The following NRK variants were observed in gnomAD, a reference collection of about 807,000 sequenced individuals.
NRK encodes the protein Nik related kinase, also known as nik-related protein kinase.
In NRK, 67 loss-of-function variants were observed where a neutral mutation model predicts 125.2. The ratio of observed to expected loss-of-function variants is 0.54; its 90% CI spans 0.44 to 0.66. The LOEUF is 0.66. Among genes scored for constraint, NRK ranks in the 30% least tolerant of loss-of-function variants. NRK has a pLI of 0.00. For synonymous variants in NRK, 458 were observed against 429.0 expected, an observed-to-expected ratio of 1.07 and a Z score of -0.84; for missense variants, 1,224 against 1,192.9, an observed-to-expected ratio of 1.03 and a Z score of -0.38.
At chrX:105,840,267 C>G in intron 2 of NRK, among the ~76,000 whole-genome samples, 1 of 111,550 alleles carries the variant, frequency 9.0e-6, no homozygotes, top group Non-Finnish European at 1.9e-5. Flanking sequence ...GGGATTTTTG[C>G]TCCCAAGAAG....
intron 2 of NRK, among the ~76,000 whole-genome samples, chrX:105,867,369 G>A (rs192882698): frequency 4.6e-4 from 51 of 111,041 alleles, no homozygotes; most frequent in African/African-American, 1.6e-3. Context: ...GATTAGCCAG[G>A]GTGAACTTGC....
chrX:105,919,002 GAAAAAAAAAAA>G (rs57376881), intron 16 of NRK, among the ~76,000 whole-genome samples: 1 of 39,490 alleles, frequency 2.5e-5, no homozygotes, highest in African/African-American at 9.0e-5. Context: ...ATGGTTTCCT[GAAAAAAAAAAA>G]AAAAAAAAAA....
Position 105,946,363 on chromosome X carries a change from G to T in NRK, c.4252G>T (p.Gly1418Cys). ...GCCAGTGACAGTTGACCTGGCTATT[G>T]GTTCTGAAAAAAGACTAAAGATTTT... Reference protein sequence around the residue: ...HKPVTVDLAIGSEKRLKIFFS... With the variant: ...HKPVTVDLAICSEKRLKIFFS... Residue 1418 changes from glycine (G) to cysteine (C), a missense_variant, in exon 26 of 29, where the codon GGT becomes TGT. Gly to Cys is a radical substitution (Grantham distance 159). Transcript: ENST00000243300. The T allele has an allele frequency of 8.3e-7, 1 of 1,199,498 alleles. No homozygotes were observed. The highest frequency in any genetic ancestry group is 1.1e-6 in the Non-Finnish European group (1 of 884,938).
chrX:105,845,754 G>A (rs1036724422), intron 2 of NRK, among the ~76,000 whole-genome samples: 7 of 111,227 alleles, frequency 6.3e-5, no homozygotes, highest in Admixed American at 2.9e-4. Context: ...GCCAAAGGGT[G>A]GGGAGGAGGT....
At chrX:105,933,717 G>A (rs1277520907) in intron 19 of NRK, among the ~76,000 whole-genome samples, 1 of 111,596 alleles carries the variant, frequency 9.0e-6, no homozygotes, top group Non-Finnish European at 1.9e-5. Flanking sequence ...ATACCTTAAA[G>A]CAGTAGAACA....
intron 2 of NRK, among the ~76,000 whole-genome samples, chrX:105,849,022 C>G (rs2039436013): frequency 8.9e-6 from 1 of 111,906 alleles, no homozygotes; most frequent in African/African-American, 3.2e-5. Flanking sequence ...CTTAAAATAT[C>G]TCTCTGTATT....
At chrX:105,836,636 A>T (rs1423842875) in intron 2 of NRK, among the ~76,000 whole-genome samples, 5 of 112,238 alleles carry the variant, frequency 4.5e-5, no homozygotes, top group Non-Finnish European at 9.4e-5. Flanking sequence ...ACTTTTGGAA[A>T]TATATGATAA....
intron 26 of NRK, among the ~76,000 whole-genome samples, chrX:105,948,095 C>T (rs2040841423): frequency 9.1e-6 from 1 of 110,351 alleles, no homozygotes; most frequent in South Asian, 3.9e-4. Flanking sequence ...TTAAATGTTG[C>T]GTCAGATAGC....
chrX:105,905,434 C>A, intron 10 of NRK, 91 bp downstream of exon 10: 1 of 641,125 alleles, frequency 1.6e-6, no homozygotes, highest in Non-Finnish European at 2.5e-6. Context: ...AGTCCTGCTG[C>A]ACCATCCTGG....
chrX:105,906,764 C>CGCGTGTGTGTGT (rs2040224698), intron 11 of NRK, among the ~76,000 whole-genome samples, 175 bp downstream of exon 11: 1 of 87,537 alleles, frequency 1.1e-5, no homozygotes, highest in African/African-American at 4.2e-5. Context: ...TTTTCTCTTG[C>CGCGTGTGTGTGT]GTGTGTGTGT....
intron 2 of NRK, among the ~76,000 whole-genome samples, chrX:105,833,243 T>C (rs1254936433): frequency 9.0e-6 from 1 of 111,117 alleles, no homozygotes; most frequent in Non-Finnish European, 1.9e-5. Flanking sequence ...GGTGATATAA[T>C]ATAGACTGAA....
intron 2 of NRK, among the ~76,000 whole-genome samples, chrX:105,835,777 C>T (rs2039257206): frequency 9.1e-6 from 1 of 110,276 alleles, no homozygotes; most frequent in African/African-American, 3.3e-5. Flanking sequence ...TTTCCCACTG[C>T]AGTGGCTTCT....
Position 105,957,282 on chromosome X carries a change from T to C in NRK, c.*1682T>C, listed in dbSNP as rs1417547353. ...ACTTTTTGAATGCAGTAGTTTTTTT[T>C]TTTTAAAAACAAACTTTTATGTCAA... On this transcript the variant is annotated 3_prime_UTR_variant, in exon 29 of 29. Transcript: ENST00000243300. The C allele has an allele frequency of 9.0e-6, 1 of 111,570 alleles. No homozygotes were observed. The highest frequency in any genetic ancestry group is 2.8e-4 in the East Asian group (1 of 3,547). 9.2% of individuals were successfully genotyped at this position (111,570 alleles called of 1,213,427 possible). A position where few individuals can be genotyped will look rare whatever the true frequency, so the allele number is the denominator to read the frequency against.
chrX:105,913,551 T>A (rs2040328531), intron 14 of NRK, among the ~76,000 whole-genome samples: 1 of 111,771 alleles, frequency 8.9e-6, no homozygotes, highest in Admixed American at 9.5e-5. Flanking sequence ...GTGGGAGATA[T>A]GTTTGAAAAT....
chrX:105,934,569 T>C (rs754723229), intron 20 of NRK, 125 bp downstream of exon 20: 3 of 444,915 alleles, frequency 6.7e-6, no homozygotes, highest in East Asian at 7.8e-5. Context: ...TAAATTCAGA[T>C]TGATATATGC....
chrX:105,918,619 A>T (rs994472218), intron 16 of NRK, among the ~76,000 whole-genome samples: 4 of 110,442 alleles, frequency 3.6e-5, no homozygotes, highest in African/African-American at 1.3e-4. Flanking sequence ...ATTTTTAAAA[A>T]TTTTTTCCCA....
intron 9 of NRK, among the ~76,000 whole-genome samples, chrX:105,903,705 T>C (rs1012815790): frequency 9.0e-6 from 1 of 111,537 alleles, no homozygotes; most frequent in Non-Finnish European, 1.9e-5. Flanking sequence ...CTCCATTCCT[T>C]TGTGAACTTT....
At chrX:105,829,864 A>G (rs769203036) in intron 1 of NRK, among the ~76,000 whole-genome samples, 2 of 111,307 alleles carry the variant, frequency 1.8e-5, no homozygotes, top group African/African-American at 3.3e-5. Context: ...TAGTGATGGT[A>G]TTTCTTTTTT....
At chrX:105,867,150 T>A (rs1422714227) in intron 2 of NRK, among the ~76,000 whole-genome samples, 1 of 111,998 alleles carries the variant, frequency 8.9e-6, no homozygotes, top group Non-Finnish European at 1.9e-5. Flanking sequence ...CAATTTAGAT[T>A]TTAAATTAAT....
Sources: gnomAD v4.1 joint callset for allele counts (sites outside exome capture counted in the v4.1 genomes callset) on GRCh38, gnomAD v4.1.1 for gene constraint, MANE v1.5 for transcripts, NCBI Gene and HGNC (gene_info 2026-07-23, HGNC 2026-07-21) for gene names.